TRIM16: variants seen among roughly 807,000 people sequenced by gnomAD.
TRIM16 encodes the protein tripartite motif-containing protein 16.
TRIM16 carries 33 observed loss-of-function variants against 50.4 expected under a neutral mutation model. The observed-to-expected ratio is 0.65, with a 90% confidence interval of 0.50 to 0.88. The LOEUF is 0.88. TRIM16 is among the 40% of genes least tolerant of loss of function. TRIM16 has a pLI of 0.00. For missense variants in TRIM16, 581 were observed against 686.8 expected (o/e 0.85, Z 1.72); for synonymous variants, 229 against 270.7 (o/e 0.85, Z 1.51).
At chr17:15,636,365 C>T in intron 8 of TRIM16, 96 bp from the exon 9 acceptor site, 2 of 1,350,942 alleles carry the variant, frequency 1.5e-6, no homozygotes, top group Non-Finnish European at 2.1e-6. Context: ...GCTTGAGAAA[C>T]ACATATATTA....
intron 6 of TRIM16, among the ~76,000 whole-genome samples, chr17:15,652,544 C>T (rs1987777788): frequency 7.1e-6 from 1 of 139,894 alleles, no homozygotes; most frequent in African/African-American, 2.8e-5. Context: ...CTCACTGCAA[C>T]CTCCGCCTCC....
At chr17:15,642,688 C>G in intron 8 of TRIM16, 33 bp downstream of exon 8, 1 of 737,496 alleles carries the variant, frequency 1.4e-6, no homozygotes. Flanking sequence ...GTCCCACACC[C>G]TCACAGGCCT....
chr17:15,652,685 C>G (rs1289315650), intron 6 of TRIM16, among the ~76,000 whole-genome samples: 1 of 151,670 alleles, frequency 6.6e-6, no homozygotes, highest in African/African-American at 2.4e-5. Context: ...GGTCTCGAAC[C>G]CTTGACCTCA....
rs2649446 is a variant in TRIM16, at chr17:15,666,047, A to C, written c.-338+11129T>G. Reference sequence around the variant, plus strand: ...TCTTTCCGTCACAACCCATGTCCATACCATCACCATTTTACATCTCACACA... The same window carrying C: ...TCTTTCCGTCACAACCCATGTCCATCCCATCACCATTTTACATCTCACACA... On this transcript the variant is annotated intron_variant, in intron 6 of 11. Transcript: ENST00000649191. 5.8e-4 allele frequency among the ~76,000 whole-genome samples: 88 copies of C among 152,144 alleles called. 1 individual carries two copies. The South Asian group carries it at 0.016, about 28-fold the overall frequency.
rs147647405 is a variant in TRIM16 at position 15,628,986 on chromosome 17, C to G, written c.1324G>C (p.Val442Leu). The G allele has an allele frequency of 6.2e-7, 1 of 1,613,616 alleles. No homozygotes were observed. The highest frequency in any genetic ancestry group is 1.3e-5 in the African/African-American group (1 of 74,834). ...TCGATGCCTTTGCAGGTCAGGCCAACATAGGTGCCTGCCCCGAAGATCTCC... is the reference window on the plus strand; with the variant it reads ...TCGATGCCTTTGCAGGTCAGGCCAAGATAGGTGCCTGCCCCGAAGATCTCC... ...EVEIFGAGTY[V>L]GLTCKGIDRK... The change falls in exon 12 of 12, where the codon GTT (valine) becomes CTT (leucine). Residue 442 changes from valine (V) to leucine (L), a missense_variant. Val to Leu is a conservative substitution (Grantham distance 32). This residue lies in a region of TRIM16 where 450 missense variants were observed against 544.3 expected (regional missense o/e 0.83). Transcript: ENST00000649191.
intron 8 of TRIM16, among the ~76,000 whole-genome samples, chr17:15,638,949 C>T (rs1440052648): frequency 3.4e-5 from 5 of 145,460 alleles, no homozygotes; most frequent in African/African-American, 1.3e-4. Context: ...AATCTGGTGG[C>T]AAAGGGAAGA....
chr17:15,677,826 G>A (rs1439176950), intron 4 of TRIM16, 105 bp from the exon 5 acceptor site: 204 of 881,880 alleles, frequency 2.3e-4, no homozygotes, highest in Non-Finnish European at 2.7e-4. Context: ...TTATTGACTC[G>A]TATATTAAAG....
chr17:15,654,435 C>A (rs1243494876), intron 6 of TRIM16: 1 of 152,090 alleles, frequency 6.6e-6, no homozygotes, highest in Non-Finnish European at 1.5e-5. Flanking sequence ...TCCAGTTCTA[C>A]TGGAAAAGGA....
chr17:15,670,732 A>T (rs1988692209), intron 6 of TRIM16, among the ~76,000 whole-genome samples: 1 of 152,226 alleles, frequency 6.6e-6, no homozygotes, highest in Non-Finnish European at 1.5e-5. Context: ...TTCTACATAC[A>T]ATTAGGTTGG....
At chr17:15,652,455 C>CGTT (rs570985967) in intron 6 of TRIM16, among the ~76,000 whole-genome samples, 1 of 65,358 alleles carries the variant, frequency 1.5e-5, no homozygotes, top group East Asian at 5.4e-4. Context: ...CGGTGCCCAC[C>CGTT]TTTTTTTTTT....
intron 7 of TRIM16, among the ~76,000 whole-genome samples, chr17:15,647,411 C>T (rs2150914104): frequency 6.6e-6 from 1 of 152,392 alleles, no homozygotes; most frequent in Admixed American, 6.5e-5. Flanking sequence ...GGCTCTTGCT[C>T]ACCATGGAGA....
chr17:15,656,956 G>C (rs1337052415), intron 6 of TRIM16, among the ~76,000 whole-genome samples: 2 of 151,718 alleles, frequency 1.3e-5, no homozygotes, highest in Non-Finnish European at 2.9e-5. Flanking sequence ...TGTAGAGATG[G>C]GGTCTCACTA....
At chr17:15,666,973 TG>T (rs1258197839) in intron 6 of TRIM16, among the ~76,000 whole-genome samples, 2 of 152,138 alleles carry the variant, frequency 1.3e-5, no homozygotes, top group Admixed American at 6.5e-5. Context: ...ATCTCTGCCT[TG>T]GGGGGGCGGT....
At chr17:15,637,519 A>T (rs1269221807) in intron 8 of TRIM16, among the ~76,000 whole-genome samples, 5 of 100,942 alleles carry the variant, frequency 5.0e-5, no homozygotes, top group African/African-American at 1.8e-4. Context: ...TCCGGGAGGG[A>T]GGTGGGGGGG....
At chr17:15,664,476 C>T (rs1331042151) in intron 6 of TRIM16, among the ~76,000 whole-genome samples, 4 of 151,780 alleles carry the variant, frequency 2.6e-5, no homozygotes, top group African/African-American at 7.3e-5. Context: ...CCGAGGTGGG[C>T]GGATCACTTG....
rs558765410 is a variant in TRIM16, at chr17:15,647,816, T to TACACACACACAC, written c.519+3263_519+3274dup. Among the ~76,000 whole-genome samples, 585 of 139,000 alleles carry TACACACACACAC rather than the reference T, an allele frequency of 4.2e-3. 6 individuals are homozygous for TACACACACACAC. Among genetic ancestry groups the TACACACACACAC allele is most frequent in the Non-Finnish European group, 5.2e-3 (333 of 64,426 alleles). 91.2% of individuals were successfully genotyped at this position (139,000 alleles called of 152,430 possible). On this transcript the variant is annotated intron_variant, in intron 7 of 11. Transcript: ENST00000649191. ...AGTCATAGAAGGAGTCCAGATTTCA[T>TACACACACACAC]ACACACACACACACACACACACACA...
chr17:15,678,098 A>C (rs1280794528), intron 4 of TRIM16, among the ~76,000 whole-genome samples: 1 of 152,012 alleles, frequency 6.6e-6, no homozygotes, highest in Non-Finnish European at 1.5e-5. Context: ...GGGCGCCTGT[A>C]GTCCCAGCTA....
At chr17:15,664,205 C>T (rs1016827945) in intron 6 of TRIM16, among the ~76,000 whole-genome samples, 6 of 152,194 alleles carry the variant, frequency 3.9e-5, no homozygotes, top group Non-Finnish European at 8.8e-5. Flanking sequence ...ATCCCATCTT[C>T]TCTTCTAGGG....
At chr17:15,653,025 G>A (rs1987802278) in intron 6 of TRIM16, among the ~76,000 whole-genome samples, 1 of 152,174 alleles carries the variant, frequency 6.6e-6, no homozygotes. Flanking sequence ...AATACTGGAG[G>A]TGGGGCCTGG....
Sources: gnomAD v4.1 joint callset for allele counts (sites outside exome capture counted in the v4.1 genomes callset) on GRCh38, gnomAD v4.1.1 for gene constraint, gnomAD v4.1.1 regional missense constraint, MANE v1.5 for transcripts, NCBI Gene and HGNC (gene_info 2026-07-23, HGNC 2026-07-21) for gene names.